Variants in RHOBTB3 observed in about 807,000 individuals in gnomAD.
The protein encoded by RHOBTB3 is Rho related BTB domain containing 3, also known as rho-related BTB domain-containing protein 3.
RHOBTB3 carries 47 observed loss-of-function variants against 67.2 expected under a neutral mutation model. That is an observed-to-expected ratio of 0.70 (90% CI 0.55 to 0.89). RHOBTB3 has a LOEUF of 0.89. RHOBTB3 is among the 40% of genes least tolerant of loss of function. The pLI is 0.00. For synonymous variants in RHOBTB3, 273 were observed against 274.2 expected (o/e 1.00, Z 0.04); for missense variants, 631 against 750.0 (o/e 0.84, Z 1.85).
intron 9 of RHOBTB3, among the ~76,000 whole-genome samples, chr5:95,783,202 A>C (rs1334250942): frequency 6.6e-6 from 1 of 151,694 alleles, no homozygotes; most frequent in East Asian, 1.9e-4. Flanking sequence ...GCTCACTGCA[A>C]CCTTCGCCTC....
rs768905935 is a variant in RHOBTB3 at position 95,768,134 on chromosome 5, C to T, written c.1250C>T (p.Pro417Leu). Residue 417 changes from proline (P) to leucine (L), a missense_variant, in exon 8 of 12, where the codon CCG becomes CTG. Coordinates refer to ENST00000379982, the MANE Select transcript of RHOBTB3 (RefSeq NM_014899.4). ...NTSLKFFLNK[P>L]MLADVVFEIQ... ...TCCCTCAAGTTTTTCCTTAATAAGCCGATGCTTGCCGATGTTGTCTTCGAA... is the reference window on the plus strand; with the variant it reads ...TCCCTCAAGTTTTTCCTTAATAAGCTGATGCTTGCCGATGTTGTCTTCGAA... 1.5e-5 allele frequency: 24 copies of T among 1,613,134 alleles called. No individual in the cohort carries two copies. The highest frequency in any genetic ancestry group is 3.3e-5 in the Admixed American group (2 of 59,912).
chr5:95,790,140 A>G (rs762137193), intron 11 of RHOBTB3, among the ~76,000 whole-genome samples: 10 of 152,256 alleles, frequency 6.6e-5, no homozygotes, highest in Non-Finnish European at 1.3e-4. Flanking sequence ...TAAGTCAACT[A>G]TTAGTACAGT....
intron 3 of RHOBTB3, among the ~76,000 whole-genome samples, chr5:95,745,729 G>GCACT (rs2112788039): frequency 6.6e-6 from 1 of 152,208 alleles, no homozygotes; most frequent in East Asian, 1.9e-4. Flanking sequence ...TAGAAGTGTA[G>GCACT]CACTCATTCA....
intron 1 of RHOBTB3, among the ~76,000 whole-genome samples, chr5:95,722,819 A>G (rs1381775819): frequency 6.6e-6 from 1 of 152,234 alleles, no homozygotes; most frequent in Non-Finnish European, 1.5e-5. Context: ...GCTAAATAAC[A>G]GAGCAGGCAT....
intron 10 of RHOBTB3, among the ~76,000 whole-genome samples, chr5:95,785,330 G>C (rs1000005574): frequency 2.6e-5 from 4 of 152,160 alleles, no homozygotes; most frequent in Admixed American, 2.0e-4. Flanking sequence ...GGTGGCTTAC[G>C]CCTGGAATCC....
rs560744295 is a variant in RHOBTB3, at chr5:95,722,073, CA to C, written n.133+4309del. On this transcript the variant is annotated intron_variant and non_coding_transcript_variant, in intron 1 of 5. Transcript: ENST00000504949. Reference sequence around the variant, plus strand: ...TGTATTGTGTGAGGGCAGATGAGGTCAGGGGAAATGATCTGTGATAGCTTCT... The same window carrying C: ...TGTATTGTGTGAGGGCAGATGAGGTCGGGGAAATGATCTGTGATAGCTTCT... 7.2e-4 allele frequency among the ~76,000 whole-genome samples: 109 copies of C among 152,190 alleles called. 2 individuals are homozygous for C. In the East Asian group the frequency reaches 0.015, roughly 21 times the overall value.
At chr5:95,780,072 T>C (rs932100395) in intron 8 of RHOBTB3, 180 bp from the exon 9 acceptor site, 14 of 500,782 alleles carry the variant, frequency 2.8e-5, no homozygotes, top group Non-Finnish European at 5.0e-5. Flanking sequence ...CTGAACTTTC[T>C]TTATTGCTCC....
upstream of RHOBTB3, chr5:95,731,057 G>A (rs1755215705): frequency 4.7e-6 from 5 of 1,068,390 alleles, no homozygotes; most frequent in South Asian, 1.7e-5. Context: ...ACGGCCTTGC[G>A]AGTTGAACAA....
At chr5:95,769,190 G>T in intron 8 of RHOBTB3, 1 of 346,622 alleles carries the variant, frequency 2.9e-6, no homozygotes, top group Non-Finnish European at 5.8e-6. Flanking sequence ...ATTGAATGAA[G>T]CTAGGGAAGT....
intron 4 of RHOBTB3, among the ~76,000 whole-genome samples, chr5:95,751,679 C>A (rs945857682): frequency 1.1e-4 from 16 of 152,068 alleles, no homozygotes; most frequent in South Asian, 1.0e-3. Context: ...TGATCCTCAC[C>A]CTCCTCCCTC....
intron 9 of RHOBTB3, among the ~76,000 whole-genome samples, 184 bp downstream of exon 9, chr5:95,780,609 G>A (rs899802163): frequency 6.6e-5 from 10 of 152,172 alleles, no homozygotes; most frequent in African/African-American, 2.4e-4. Flanking sequence ...AAGTGGAAGT[G>A]CAGTGATTGG....
At chr5:95,786,754 A>T (rs746282804) in intron 10 of RHOBTB3, among the ~76,000 whole-genome samples, 2 of 152,040 alleles carry the variant, frequency 1.3e-5, no homozygotes, top group Non-Finnish European at 2.9e-5. Context: ...CTTAAGTTCT[A>T]TTGCATTTGG....
intron 9 of RHOBTB3, chr5:95,782,800 A>C (rs1278449455): frequency 1.5e-5 from 2 of 136,422 alleles, no homozygotes; most frequent in Admixed American, 7.9e-5. Context: ...ACAGAGTGAG[A>C]CTCCATCTCA....
At position 95,793,815 on chromosome 5, in the gene RHOBTB3, C is replaced by T. The variant is rs1746492076; in HGVS notation, c.*641C>T. On this transcript the variant is annotated 3_prime_UTR_variant, in exon 12 of 12. Coordinates refer to ENST00000379982, the MANE Select transcript of RHOBTB3 (RefSeq NM_014899.4). ...ACCTAGGCAGGGCTGGCTTTCTTAG[C>T]GTGTAACTTGTGTAGCAGCACAGGG... is the stretch of plus-strand genomic sequence containing the variant. 3 of 325,506 alleles carry T rather than the reference C, an allele frequency of 9.2e-6. No individual in the cohort carries two copies. Among genetic ancestry groups the T allele is most frequent in the East Asian group, 8.0e-5 (1 of 12,480 alleles). The allele number at this position is 325,506 out of a possible 1,614,324, so 20.2% of individuals were successfully genotyped here. A position where few individuals can be genotyped will look rare whatever the true frequency, so the allele number is the denominator to read the frequency against.
At chr5:95,721,354 T>G (rs1754869488) in intron 1 of RHOBTB3, among the ~76,000 whole-genome samples, 6 of 152,152 alleles carry the variant, frequency 3.9e-5, no homozygotes. Context: ...AGAGTGTCCT[T>G]GTCCTACCCA....
chr5:95,718,692 G>A (rs1327010939), intron 1 of RHOBTB3, among the ~76,000 whole-genome samples: 2 of 152,152 alleles, frequency 1.3e-5, no homozygotes, highest in Non-Finnish European at 1.5e-5. Flanking sequence ...TATGGGAATC[G>A]AAAAATCACA....
At chr5:95,753,242 T>C (rs987379560) in intron 5 of RHOBTB3, among the ~76,000 whole-genome samples, 3 of 143,330 alleles carry the variant, frequency 2.1e-5, no homozygotes, top group Non-Finnish European at 4.4e-5. Flanking sequence ...GATGTGTGTG[T>C]GTGTGTGTGT....
chr5:95,766,413 A>G (rs1745543393), intron 7 of RHOBTB3, among the ~76,000 whole-genome samples: 2 of 152,006 alleles, frequency 1.3e-5, no homozygotes, highest in South Asian at 4.1e-4. Flanking sequence ...ATAAAATATG[A>G]TATTTCAATA....
intron 3 of RHOBTB3, among the ~76,000 whole-genome samples, chr5:95,743,662 C>T (rs919819869): frequency 2.0e-5 from 3 of 147,620 alleles, no homozygotes; most frequent in Admixed American, 2.0e-4. Flanking sequence ...CTTCCCCCTT[C>T]CTTCTTTCCT....
Sources: gnomAD v4.1 joint callset for allele counts (sites outside exome capture counted in the v4.1 genomes callset) on GRCh38, gnomAD v4.1.1 for gene constraint, MANE v1.5 for transcripts, NCBI Gene and HGNC (gene_info 2026-07-23, HGNC 2026-07-21) for gene names.